The following MMP26 variants were observed in gnomAD, a reference collection of about 807,000 sequenced individuals.
MMP26 encodes matrix metallopeptidase 26, also known as matrix metalloproteinase-26.
In MMP26, 33 loss-of-function variants were observed where a neutral mutation model predicts 31.0. The ratio of observed to expected loss-of-function variants is 1.06; its 90% CI spans 0.81 to 1.42. The LOEUF (loss-of-function observed/expected upper bound fraction) is 1.42, where lower values mean the gene tolerates loss of function less well. MMP26 is among the 40% of genes most tolerant of loss of function. The probability of loss-of-function intolerance (pLI) is 0.00; values close to 1 mark genes in which losing one functional copy is unlikely to be tolerated. For synonymous variants in MMP26, 122 were observed against 114.9 expected (o/e 1.06, Z -0.40); for missense variants, 347 against 316.1 (o/e 1.10, Z -0.74).
At chr11:4,705,609 A>C (rs10768185) in intron 1 of MMP26, among the ~76,000 whole-genome samples, 46,791 of 152,054 alleles carry the variant, frequency 0.31, 8,594 homozygotes, top group African/African-American at 0.51. Context: ...CTTAAAGAGA[A>C]CTGTTTAAGA....
chr11:4,929,575 T>G (rs1851318712), intron 2 of MMP26, among the ~76,000 whole-genome samples: 1 of 152,140 alleles, frequency 6.6e-6, no homozygotes. Flanking sequence ...ATTTTTCAAT[T>G]AGGTTGAATA....
At chr11:4,962,645 A>C (rs1846535711) in intron 2 of MMP26, among the ~76,000 whole-genome samples, 1 of 152,160 alleles carries the variant, frequency 6.6e-6, no homozygotes, top group African/African-American at 2.4e-5. Context: ...ACGGGATTTT[A>C]ATTTTTTTCT....
At chr11:4,970,939 A>T (rs1846658034) in intron 2 of MMP26, among the ~76,000 whole-genome samples, 1 of 152,184 alleles carries the variant, frequency 6.6e-6, no homozygotes, top group Non-Finnish European at 1.5e-5. Flanking sequence ...CCTGGGGTGA[A>T]GGGAGTGAAT....
chr11:4,716,951 C>A (rs183196010), intron 1 of MMP26, among the ~76,000 whole-genome samples: 52 of 152,066 alleles, frequency 3.4e-4, no homozygotes, highest in Admixed American at 3.4e-3. Context: ...CATGAGCCAC[C>A]GTTCCCAGCC....
intron 2 of MMP26, among the ~76,000 whole-genome samples, chr11:4,855,509 A>T (rs1850037903): frequency 6.6e-6 from 1 of 152,214 alleles, no homozygotes; most frequent in Non-Finnish European, 1.5e-5. Context: ...AAGCAAGAAG[A>T]GAAGTTTAGA....
intron 2 of MMP26, among the ~76,000 whole-genome samples, chr11:4,788,216 A>G (rs1479045225): frequency 6.6e-6 from 1 of 152,078 alleles, no homozygotes; most frequent in East Asian, 1.9e-4. Context: ...CTGCTTTCTC[A>G]GAACAGCTGT....
chr11:4,915,810 G>T (rs2595978), intron 2 of MMP26: 467,349 of 538,100 alleles, frequency 0.87, 203,711 homozygotes, highest in East Asian at 0.92. Flanking sequence ...TAGTGGTTAT[G>T]TCTTTCTGGT....
intron 2 of MMP26, among the ~76,000 whole-genome samples, chr11:4,818,329 G>A (rs1165225542): frequency 2.4e-4 from 37 of 151,844 alleles, no homozygotes; most frequent in Admixed American, 2.3e-3. Flanking sequence ...TTTGGTGATC[G>A]ATATTTTCTT....
chr11:4,889,214 G>A (rs961189837), intron 2 of MMP26, among the ~76,000 whole-genome samples: 1 of 152,106 alleles, frequency 6.6e-6, no homozygotes, highest in Non-Finnish European at 1.5e-5. Flanking sequence ...CCCCAAGGAT[G>A]CCAAAATCTG....
intron 2 of MMP26, among the ~76,000 whole-genome samples, chr11:4,855,966 C>T (rs1850045621): frequency 6.6e-6 from 1 of 152,116 alleles, no homozygotes; most frequent in Non-Finnish European, 1.5e-5. Flanking sequence ...CATATCCAGC[C>T]AAACTAAGCT....
At chr11:4,747,183 C>T (rs1282222437) in intron 1 of MMP26, among the ~76,000 whole-genome samples, 1 of 151,994 alleles carries the variant, frequency 6.6e-6, no homozygotes, top group Non-Finnish European at 1.5e-5. Context: ...AATGAGCTTA[C>T]CAAATAGATA....
intron 2 of MMP26, among the ~76,000 whole-genome samples, chr11:4,844,643 C>G (rs1421177657): frequency 6.6e-6 from 1 of 152,078 alleles, no homozygotes; most frequent in African/African-American, 2.4e-5. Flanking sequence ...ATTCTATCAA[C>G]AGAATGAAGG....
intron 2 of MMP26, among the ~76,000 whole-genome samples, chr11:4,831,169 C>T (rs563743259): frequency 3.9e-5 from 6 of 152,098 alleles, no homozygotes; most frequent in Non-Finnish European, 7.4e-5. Flanking sequence ...ATGCAATCTC[C>T]TCTTTATCTA....
chr11:4,727,883 C>A (rs938353794), intron 1 of MMP26, among the ~76,000 whole-genome samples: 1 of 152,090 alleles, frequency 6.6e-6, no homozygotes, highest in African/African-American at 2.4e-5. Context: ...AGTCATAGAA[C>A]AAAATAATGA....
At chr11:4,728,870 C>T (rs11601412) in intron 1 of MMP26, among the ~76,000 whole-genome samples, 1,656 of 152,008 alleles carry the variant, frequency 0.011, 12 homozygotes, top group Admixed American at 0.016. Flanking sequence ...CAAGTAAATG[C>T]ATTCTATTTT....
chr11:4,946,183 T>G, intron 2 of MMP26: 1 of 1,614,006 alleles, frequency 6.2e-7, no homozygotes, highest in South Asian at 1.1e-5. Flanking sequence ...GACACAATTT[T>G]GCTACAACTC....
intron 1 of MMP26, among the ~76,000 whole-genome samples, chr11:4,758,483 A>C (rs928154152): frequency 1.3e-5 from 2 of 149,820 alleles, no homozygotes; most frequent in African/African-American, 2.5e-5. Context: ...AAAAAAAAAA[A>C]AAAACTAAAA....
intron 2 of MMP26, among the ~76,000 whole-genome samples, chr11:4,843,608 C>G (rs1409063573): frequency 6.6e-6 from 1 of 152,234 alleles, no homozygotes; most frequent in African/African-American, 2.4e-5. Context: ...CTCACAAAAC[C>G]ACTTCTCCCT....
At chr11:4,794,234 G>GCA (rs1849072619) in intron 2 of MMP26, 1 of 151,648 alleles carries the variant, frequency 6.6e-6, no homozygotes, top group Admixed American at 6.6e-5. Context: ...TGAAGCAAAA[G>GCA]GGCTCATTCA....
Sources: gnomAD v4.1 joint callset for allele counts (sites outside exome capture counted in the v4.1 genomes callset) on GRCh38, gnomAD v4.1.1 for gene constraint, MANE v1.5 for transcripts, NCBI Gene and HGNC (gene_info 2026-07-23, HGNC 2026-07-21) for gene names.